The following DNM3 variants were observed in gnomAD, a reference collection of about 807,000 sequenced individuals.
DNM3 encodes the protein dynamin-3.
A neutral mutation model predicts 101.6 loss-of-function variants in DNM3; 47 were observed. That is an observed-to-expected ratio of 0.46 (90% CI 0.37 to 0.59). DNM3 has a LOEUF of 0.59. Among genes scored for constraint, DNM3 ranks in the 20% least tolerant of loss-of-function variants. DNM3 has a pLI of 0.00. For missense variants in DNM3, 849 were observed against 1,085.7 expected, an observed-to-expected ratio of 0.78 and a Z score of 3.06; for synonymous variants, 385 against 387.9, an observed-to-expected ratio of 0.99 and a Z score of 0.09.
chr1:172,165,511 G>C (rs894090998), intron 14 of DNM3, among the ~76,000 whole-genome samples: 1 of 151,882 alleles, frequency 6.6e-6, no homozygotes, highest in African/African-American at 2.4e-5. Flanking sequence ...CTTAAATTGA[G>C]CCCCAGCCTA....
chr1:172,053,487 GATTT>G (rs1260032062), intron 10 of DNM3, among the ~76,000 whole-genome samples: 1 of 151,920 alleles, frequency 6.6e-6, no homozygotes, highest in Non-Finnish European at 1.5e-5. Flanking sequence ...ACTGCCTTGA[GATTT>G]ATTTGTATGT....
At chr1:171,957,516 T>C (rs1237778752) in intron 2 of DNM3, among the ~76,000 whole-genome samples, 1 of 152,178 alleles carries the variant, frequency 6.6e-6, no homozygotes, top group Non-Finnish European at 1.5e-5. Context: ...TTCTTTTCTA[T>C]TGCATCATCA....
At chr1:171,878,742 A>C (rs888938689) in intron 1 of DNM3, among the ~76,000 whole-genome samples, 2 of 152,186 alleles carry the variant, frequency 1.3e-5, no homozygotes, top group African/African-American at 4.8e-5. Flanking sequence ...ATATCGTTTT[A>C]ATCCCTAGTG....
chr1:172,281,654 A>T (rs2063495082), intron 15 of DNM3, among the ~76,000 whole-genome samples: 1 of 152,150 alleles, frequency 6.6e-6, no homozygotes, highest in Non-Finnish European at 1.5e-5. Flanking sequence ...TATACCAATG[A>T]ACTTGATCTT....
intron 2 of DNM3, among the ~76,000 whole-genome samples, chr1:171,944,381 A>ATTTATTTG (rs2042017284): frequency 7.1e-6 from 1 of 140,816 alleles, no homozygotes; most frequent in African/African-American, 2.7e-5. Context: ...TTATTTATTT[A>ATTTATTTG]TTTGTTTATT....
chr1:172,215,558 G>A (rs1480157263), intron 14 of DNM3, among the ~76,000 whole-genome samples: 1 of 151,892 alleles, frequency 6.6e-6, no homozygotes, highest in African/African-American at 2.4e-5. Context: ...ATCAGAGGCA[G>A]TTAATTTTAT....
At chr1:172,261,988 C>A (rs571967392) in intron 15 of DNM3, among the ~76,000 whole-genome samples, 2 of 152,242 alleles carry the variant, frequency 1.3e-5, no homozygotes, top group African/African-American at 4.8e-5. Flanking sequence ...GGAGCTGAGC[C>A]AGGTGGACTT....
intron 17 of DNM3, among the ~76,000 whole-genome samples, chr1:172,361,141 C>G (rs1304067271): frequency 6.6e-6 from 1 of 151,932 alleles, no homozygotes; most frequent in South Asian, 2.1e-4. Flanking sequence ...ATCCTGTGTC[C>G]CTTCTGCACT....
chr1:172,296,567 G>A (rs141285919), intron 15 of DNM3, among the ~76,000 whole-genome samples: 51 of 152,316 alleles, frequency 3.3e-4, no homozygotes, highest in African/African-American at 1.1e-3. Context: ...TGACTATACA[G>A]GGATGTGGAA....
In DNM3 at chr1:172,253,554, T is replaced by C. The variant is rs1223156873; in HGVS notation, c.1660-19T>C. 6.8e-7 allele frequency: 1 copy of C among 1,461,858 alleles called. No homozygotes were observed. The highest frequency in any genetic ancestry group is 9.3e-7 in the Non-Finnish European group (1 of 1,078,960). 90.6% of individuals were successfully genotyped at this position (1,461,858 alleles called of 1,614,324 possible). A position where few individuals can be genotyped will look rare whatever the true frequency, so the allele number is the denominator to read the frequency against. Reference sequence around the variant, plus strand: ...CCTCTCCTCTCCTCTCCCTCTTTTCTTTCTCTCTCTTATAATAGGAAAAAG... The same window carrying C: ...CCTCTCCTCTCCTCTCCCTCTTTTCCTTCTCTCTCTTATAATAGGAAAAAG... On this transcript the variant is annotated intron_variant, in intron 14 of 20. Coordinates refer to ENST00000627582, the MANE Select transcript of DNM3 (RefSeq NM_015569.5).
rs998506315 is a variant in DNM3 at position 171,892,134 on chromosome 1, C to G, written c.162-29614C>G. 4.6e-5 allele frequency among the ~76,000 whole-genome samples: 7 copies of G among 151,956 alleles called. No homozygotes were observed. In the East Asian group the frequency reaches 1.4e-3, roughly 29 times the overall value. On this transcript the variant is annotated intron_variant, in intron 1 of 20. Coordinates refer to ENST00000627582, the MANE Select transcript of DNM3 (RefSeq NM_015569.5). ...CCCGTGGGAGCTCTTTCAGTTGGTT[C>G]TATGTCCGTTTGACATAGTCTCGTA...
At chr1:171,990,904 G>A (rs530063176) in intron 4 of DNM3, among the ~76,000 whole-genome samples, 1 of 152,246 alleles carries the variant, frequency 6.6e-6, no homozygotes, top group South Asian at 2.1e-4. Context: ...GCTTGGAAGA[G>A]TCAGATTATA....
intron 11 of DNM3, among the ~76,000 whole-genome samples, chr1:172,076,089 G>T (rs1279075647): frequency 6.6e-6 from 1 of 152,148 alleles, no homozygotes; most frequent in East Asian, 1.9e-4. Flanking sequence ...GCTAATGGGA[G>T]TTCGCTCATG....
intron 14 of DNM3, among the ~76,000 whole-genome samples, chr1:172,162,650 G>A (rs2058585956): frequency 1.3e-5 from 2 of 151,892 alleles, no homozygotes; most frequent in Admixed American, 1.3e-4. Flanking sequence ...TAATTTTAAA[G>A]TGTTACATTA....
chr1:172,111,668 G>A (rs1209891685), intron 13 of DNM3, among the ~76,000 whole-genome samples: 1 of 152,144 alleles, frequency 6.6e-6, no homozygotes, highest in Non-Finnish European at 1.5e-5. Context: ...TGGGAGCACA[G>A]CAAACACAGT....
At chr1:172,037,662 G>A (rs1266789605) in intron 6 of DNM3, among the ~76,000 whole-genome samples, 2 of 152,000 alleles carry the variant, frequency 1.3e-5, no homozygotes, top group African/African-American at 2.4e-5. Flanking sequence ...AGTTTTCATT[G>A]TACTGAGCTT....
intron 2 of DNM3, among the ~76,000 whole-genome samples, chr1:171,941,958 A>G (rs998354620): frequency 6.6e-6 from 1 of 152,192 alleles, no homozygotes; most frequent in Non-Finnish European, 1.5e-5. Context: ...ATTAAGGATG[A>G]CATACTAAGA....
chr1:172,014,930 A>G (rs771980978), intron 4 of DNM3, among the ~76,000 whole-genome samples: 1 of 151,974 alleles, frequency 6.6e-6, no homozygotes, highest in Non-Finnish European at 1.5e-5. Context: ...TTGTGGGTCT[A>G]TTACCCACCT....
rs1420315352 is a variant in DNM3 at position 172,131,405 on chromosome 1, G to A, written c.1659+117G>A. 3 of 805,454 alleles carry A rather than the reference G, an allele frequency of 3.7e-6. No individual in the cohort carries two copies. The African/African-American group carries it at 5.2e-5, about 14-fold the overall frequency. The allele number at this position is 805,454 out of a possible 1,614,324, so 49.9% of individuals were successfully genotyped here. A position where few individuals can be genotyped will look rare whatever the true frequency, so the allele number is the denominator to read the frequency against. ...AGTGGTTCTCTTTCAGTGAGATTAAGCTTGGAATGTTTGTTTAAAAAGGCA... is the reference window on the plus strand; with the variant it reads ...AGTGGTTCTCTTTCAGTGAGATTAAACTTGGAATGTTTGTTTAAAAAGGCA... On this transcript the variant is annotated intron_variant, in intron 14 of 20. Coordinates refer to ENST00000627582, the MANE Select transcript of DNM3 (RefSeq NM_015569.5).
Sources: allele counts gnomAD v4.1 joint callset (sites outside exome capture counted in the v4.1 genomes callset), GRCh38; gene constraint gnomAD v4.1.1; transcripts MANE v1.5; gene names NCBI Gene and HGNC (gene_info 2026-07-23, HGNC 2026-07-21).